The following NRG3 variants were observed in gnomAD, a reference collection of about 807,000 sequenced individuals.
The protein encoded by NRG3 is neuregulin 3, also known as pro-neuregulin-3, membrane-bound isoform.
A neutral mutation model predicts 66.9 loss-of-function variants in NRG3; 31 were observed. That is an observed-to-expected ratio of 0.46 (90% confidence interval 0.35 to 0.63). The LOEUF is 0.63. Among genes scored for constraint, NRG3 ranks in the 20% least tolerant of loss-of-function variants. The pLI is 0.00. For synonymous variants in NRG3, 393 were observed against 359.4 expected, an observed-to-expected ratio of 1.09 and a Z score of -1.06; for missense variants, 910 against 878.9, an observed-to-expected ratio of 1.04 and a Z score of -0.45.
At chr10:82,301,173 A>G (rs1355244934) in intron 1 of NRG3, among the ~76,000 whole-genome samples, 1 of 152,230 alleles carries the variant, frequency 6.6e-6, no homozygotes, top group Admixed American at 6.5e-5. Context: ...ATGTCAGTCA[A>G]GCTGACAGTA....
At chr10:82,964,666 C>G (rs17761683) in intron 6 of NRG3, among the ~76,000 whole-genome samples, 16,571 of 152,140 alleles carry the variant, frequency 0.11, 1,223 homozygotes, top group Non-Finnish European at 0.17. Context: ...GCTCATAAGT[C>G]AGAGTGGCAA....
chr10:82,060,383 A>G (rs1253915076), intron 1 of NRG3, among the ~76,000 whole-genome samples: 1 of 152,170 alleles, frequency 6.6e-6, no homozygotes, highest in African/African-American at 2.4e-5. Context: ...GTGTGCCATA[A>G]AGTGCTGAGG....
intron 1 of NRG3, among the ~76,000 whole-genome samples, chr10:81,979,511 C>T (rs1003436700): frequency 3.3e-5 from 5 of 152,160 alleles, no homozygotes; most frequent in Non-Finnish European, 5.9e-5. Context: ...TTTATCCCAC[C>T]TAGTTTTCTT....
intron 1 of NRG3, among the ~76,000 whole-genome samples, chr10:82,174,965 T>C (rs1050362631): frequency 1.3e-5 from 2 of 152,186 alleles, no homozygotes; most frequent in Admixed American, 1.3e-4. Context: ...TATCTTACTC[T>C]AAATTGATTT....
intron 1 of NRG3, among the ~76,000 whole-genome samples, chr10:82,269,624 C>T (rs1028389631): frequency 1.3e-5 from 2 of 152,116 alleles, no homozygotes; most frequent in Non-Finnish European, 2.9e-5. Context: ...AGTCTACTAA[C>T]TTCATCATCT....
intron 2 of NRG3, among the ~76,000 whole-genome samples, chr10:82,420,604 C>G (rs1158710151): frequency 6.6e-6 from 1 of 152,124 alleles, no homozygotes; most frequent in Admixed American, 6.6e-5. Flanking sequence ...TGCTCTGGAA[C>G]ACATTTTGGC....
At chr10:82,879,144 T>C (rs1313385099) in intron 4 of NRG3, among the ~76,000 whole-genome samples, 1 of 152,250 alleles carries the variant, frequency 6.6e-6, no homozygotes, top group Admixed American at 6.5e-5. Flanking sequence ...TGTTCACCTT[T>C]TTCTCATCAG....
intron 2 of NRG3, among the ~76,000 whole-genome samples, chr10:82,666,580 C>A (rs1021616496): frequency 3.3e-5 from 5 of 152,196 alleles, no homozygotes; most frequent in African/African-American, 1.2e-4. Flanking sequence ...TCCATTTCCA[C>A]CACCATAGCC....
intron 1 of NRG3, among the ~76,000 whole-genome samples, chr10:82,025,289 A>G (rs10884050): frequency 0.38 from 57,722 of 150,598 alleles, 12,631 homozygotes; most frequent in South Asian, 0.51. Context: ...TAAGAAATAT[A>G]TATAAGAAAT....
Position 81,875,680 on chromosome 10 carries a change from T to C in NRG3, c.340T>C (p.Phe114Leu), listed in dbSNP as rs779677767. The part of the protein sequence containing the change: ...DSKGMGQDPF[F>L]LSKPSSFPKA... ...CAAGGGGATGGGCCAGGACCCCTTC[T>C]TCCTCTCCAAGCCCAGCTCTTTCCC... is the stretch of plus-strand genomic sequence containing the variant. Residue 114 changes from phenylalanine (F) to leucine (L), a missense_variant, in exon 1 of 9, where the codon TTC becomes CTC. Physicochemically the swap from Phe to Leu is conservative, Grantham distance 22. Coordinates refer to ENST00000372141, the MANE Select transcript of NRG3 (RefSeq NM_001010848.4). The surrounding 1 kb of genome is among the most constrained non-coding windows in gnomAD (Gnocchi z 5.3). 3 of 1,613,840 alleles carry C rather than the reference T, an allele frequency of 1.9e-6. No individual in the cohort carries two copies. The highest frequency in any genetic ancestry group is 2.5e-6 in the Non-Finnish European group (3 of 1,179,946).
chr10:82,349,287 G>A lies in NRG3; in HGVS notation c.824-9452G>A, dbSNP rs369715440. Reference sequence around the variant, plus strand: ...TTTGTTAGTTTTCCTTCTAACAGACGGGACCCTCAGCTGCAGGTCTGTTGG... The same window carrying A: ...TTTGTTAGTTTTCCTTCTAACAGACAGGACCCTCAGCTGCAGGTCTGTTGG... On this transcript the variant is annotated intron_variant, in intron 1 of 8. Transcript: ENST00000372141. Among the ~76,000 whole-genome samples, 620 of 151,288 alleles carry A rather than the reference G, an allele frequency of 4.1e-3. 8 individuals carry two copies. The highest frequency in any genetic ancestry group is 0.022 in the East Asian group (109 of 5,036).
chr10:82,583,891 G>A (rs2046512413), intron 2 of NRG3, among the ~76,000 whole-genome samples: 1 of 152,084 alleles, frequency 6.6e-6, no homozygotes, highest in Admixed American at 6.6e-5. Context: ...TCACCCCTGG[G>A]CCTTGCAGCC....
intron 2 of NRG3, among the ~76,000 whole-genome samples, chr10:82,377,356 A>G (rs1589904413): frequency 6.6e-6 from 1 of 152,280 alleles, no homozygotes; most frequent in East Asian, 1.9e-4. Flanking sequence ...AATATGAGAC[A>G]TACATGCATC....
At chr10:82,146,158 C>G (rs78182637) in intron 1 of NRG3, among the ~76,000 whole-genome samples, 4,878 of 152,184 alleles carry the variant, frequency 0.032, 245 homozygotes, top group African/African-American at 0.11. Context: ...ATATTTAAAG[C>G]CTGCTTTTGT....
intron 2 of NRG3, among the ~76,000 whole-genome samples, chr10:82,664,467 CTTAA>C (rs1384797003): frequency 6.6e-6 from 1 of 152,126 alleles, no homozygotes; most frequent in Non-Finnish European, 1.5e-5. Context: ...AAAGGCATTT[CTTAA>C]TTAATAGGAA....
intron 1 of NRG3, among the ~76,000 whole-genome samples, chr10:82,325,670 A>G: frequency 6.8e-6 from 1 of 146,858 alleles, no homozygotes; most frequent in Non-Finnish European, 1.5e-5. Flanking sequence ...TTGTTTTATT[A>G]TTTTCGTGGT....
At chr10:81,899,557 G>A (rs1482212488) in intron 1 of NRG3, among the ~76,000 whole-genome samples, 1 of 152,168 alleles carries the variant, frequency 6.6e-6, no homozygotes, top group African/African-American at 2.4e-5. Flanking sequence ...GGTGGCAGCA[G>A]GGAAGGATTT....
chr10:82,953,964 A>AT (rs985822617), intron 5 of NRG3, among the ~76,000 whole-genome samples: 1 of 151,508 alleles, frequency 6.6e-6, no homozygotes, highest in South Asian at 2.1e-4. Flanking sequence ...TCTCAAAAAA[A>AT]AAAAAACAAT....
intron 2 of NRG3, among the ~76,000 whole-genome samples, chr10:82,608,659 C>T (rs2133469415): frequency 6.6e-6 from 1 of 152,212 alleles, no homozygotes; most frequent in Middle Eastern, 3.4e-3. Flanking sequence ...AATTTGTTCT[C>T]AACCCCTCTT....
Sources: gnomAD v4.1 joint callset for allele counts (sites outside exome capture counted in the v4.1 genomes callset) on GRCh38, gnomAD v4.1.1 for gene constraint, Gnocchi (gnomAD v3.1) non-coding constraint, MANE v1.5 for transcripts, NCBI Gene and HGNC (gene_info 2026-07-23, HGNC 2026-07-21) for gene names.